Variants in ABHD12 observed in about 807,000 individuals in gnomAD.
The protein encoded by ABHD12 is lysophosphatidylserine lipase ABHD12.
In ABHD12, 43 loss-of-function variants were observed where a neutral mutation model predicts 58.3. The observed-to-expected ratio is 0.74, with a 90% CI of 0.58 to 0.95. The LOEUF (loss-of-function observed/expected upper bound fraction) is 0.95, where lower values mean the gene tolerates loss of function less well. Among genes scored for constraint, ABHD12 ranks in the 40% least tolerant of loss-of-function variants. The pLI, the probability that ABHD12 is intolerant of heterozygous loss-of-function variation, is 0.00. For synonymous variants in ABHD12, 219 were observed against 211.2 expected (o/e 1.04, Z -0.32); for missense variants, 539 against 537.2 (o/e 1.00, Z -0.03).
chr20:25,371,763 G>A (rs1340806541), intron 1 of ABHD12, among the ~76,000 whole-genome samples: 1 of 152,110 alleles, frequency 6.6e-6, no homozygotes, highest in Non-Finnish European at 1.5e-5. Context: ...ATCCCAAGCT[G>A]GTCTCGAACT....
intron 1 of ABHD12, among the ~76,000 whole-genome samples, chr20:25,357,234 C>T (rs2089680944): frequency 6.6e-6 from 1 of 152,230 alleles, no homozygotes; most frequent in Admixed American, 6.5e-5. Context: ...AAATCTTCTG[C>T]CTCCTCCAAA....
At chr20:25,304,342 C>G (rs1236071793) in intron 10 of ABHD12, among the ~76,000 whole-genome samples, 1 of 152,254 alleles carries the variant, frequency 6.6e-6, no homozygotes, top group Admixed American at 6.5e-5. Flanking sequence ...GTGCGAGTCC[C>G]TCTCACCAGA....
rs147920323 is a variant in ABHD12, at chr20:25,307,239, A to T, written c.868-324T>A. Among the ~76,000 whole-genome samples, 352 of 152,354 alleles carry T rather than the reference A, an allele frequency of 2.3e-3. 1 individual carries two copies. Among genetic ancestry groups the T allele is most frequent in the Middle Eastern group, 6.8e-3 (2 of 294 alleles). ...CCACCCCAGAAACCAGTCTTCCCGC[A>T]GACACCAGGGCCGCCACCCCTGAGA... is the stretch of plus-strand genomic sequence containing the variant. On this transcript the variant is annotated intron_variant, in intron 9 of 12. Transcript: ENST00000339157.
At chr20:25,375,058 T>C (rs2089945861) in intron 1 of ABHD12, among the ~76,000 whole-genome samples, 1 of 152,104 alleles carries the variant, frequency 6.6e-6, no homozygotes, top group Non-Finnish European at 1.5e-5. Flanking sequence ...TGGACCCTAA[T>C]CCACTATGAC....
chr20:25,377,855 A>C (rs969921231), intron 1 of ABHD12, among the ~76,000 whole-genome samples: 1 of 151,808 alleles, frequency 6.6e-6, no homozygotes, highest in African/African-American at 2.4e-5. Flanking sequence ...GTGCCACCAC[A>C]CCCAGCTAAT....
chr20:25,357,501 C>T (rs1281581331), intron 1 of ABHD12, among the ~76,000 whole-genome samples: 4 of 152,270 alleles, frequency 2.6e-5, no homozygotes, highest in East Asian at 1.9e-4. Flanking sequence ...CAGTTTCTAT[C>T]GTGAACCACT....
rs569372302 is a variant in ABHD12 at position 25,317,750 on chromosome 20, G to A, written c.543-672C>T. 9.8e-5 allele frequency among the ~76,000 whole-genome samples: 15 copies of A among 152,304 alleles called. No homozygotes were observed. In the East Asian group the frequency reaches 1.4e-3, roughly 14 times the overall value. On this transcript the variant is annotated intron_variant, in intron 4 of 12. Coordinates refer to ENST00000339157, the MANE Select transcript of ABHD12 (RefSeq NM_001042472.3). ...GTCGCTACTGAGACTAAGTGGGCTC[G>A]GCACACACCCTCCCATTTGTACTTC...
At chr20:25,295,117 G>T in intron 12 of ABHD12, 1 of 1,364,578 alleles carries the variant, frequency 7.3e-7, no homozygotes, top group Non-Finnish European at 1.0e-6. Context: ...AAATGCATTT[G>T]TAGATTCATA....
Position 25,323,348 on chromosome 20 carries a change from C to T in ABHD12, c.399G>A (p.Glu133=), listed in dbSNP as rs1385567885. The part of the protein sequence containing the change: ...NHTCNYYLQP[E]EDVTIGVWHT... ...ACCAGACTCCAATGGTCACGTCTTC[C>T]TCTGGCTGCAGGTAGTAGTTACACG... Residue 133 remains glutamate, a synonymous_variant, in exon 3 of 13, where the codon GAG becomes GAA. Transcript: ENST00000339157. The T allele has an allele frequency of 1.2e-5, 20 of 1,613,914 alleles. No homozygotes were observed. The highest frequency in any genetic ancestry group is 1.7e-5 in the Non-Finnish European group (20 of 1,179,900).
At chr20:25,320,812 C>T (rs1444455073) in intron 3 of ABHD12, among the ~76,000 whole-genome samples, 1 of 145,540 alleles carries the variant, frequency 6.9e-6, no homozygotes, top group African/African-American at 2.6e-5. Context: ...CGGGCCATCG[C>T]TGACGCCATT....
intron 1 of ABHD12, among the ~76,000 whole-genome samples, chr20:25,349,777 T>A (rs769913061): frequency 1.3e-5 from 2 of 152,216 alleles, no homozygotes; most frequent in Non-Finnish European, 2.9e-5. Context: ...CTTAACGGTT[T>A]CAGAGTTTCT....
chr20:25,298,346 A>C (rs1248125663), downstream of ABHD12, among the ~76,000 whole-genome samples: 3 of 151,646 alleles, frequency 2.0e-5, no homozygotes, highest in Admixed American at 2.0e-4. Flanking sequence ...GCTCGCTGCA[A>C]CCTCCGCCTC....
chr20:25,343,929 G>A (rs2089486869), intron 1 of ABHD12, among the ~76,000 whole-genome samples: 1 of 152,218 alleles, frequency 6.6e-6, no homozygotes, highest in Admixed American at 6.5e-5. Flanking sequence ...CTACGGCCAA[G>A]TGGGATTTGT....
intron 3 of ABHD12, among the ~76,000 whole-genome samples, chr20:25,322,942 C>T (rs1485935091): frequency 6.6e-6 from 1 of 152,040 alleles, no homozygotes; most frequent in Admixed American, 6.6e-5. Context: ...AGGCTGGTCT[C>T]AAACTCCTGG....
chr20:25,373,303 T>C (rs943766631), intron 1 of ABHD12, among the ~76,000 whole-genome samples: 4 of 152,146 alleles, frequency 2.6e-5, no homozygotes, highest in Admixed American at 1.3e-4. Flanking sequence ...TCCCAGCATT[T>C]TGGGAAGCCG....
intron 1 of ABHD12, among the ~76,000 whole-genome samples, chr20:25,381,671 C>T (rs1179581404): frequency 6.6e-6 from 1 of 150,448 alleles, no homozygotes; most frequent in Non-Finnish European, 1.5e-5. Context: ...CAAAGTCTCG[C>T]TCTGTCACCC....
At chr20:25,338,421 C>G (rs2089407802) in intron 2 of ABHD12, among the ~76,000 whole-genome samples, 1 of 152,238 alleles carries the variant, frequency 6.6e-6, no homozygotes. Flanking sequence ...AGAACACCCA[C>G]CGTGTGCGAG....
chr20:25,300,950 T>C, intron 12 of ABHD12, 66 bp from the exon 13 acceptor site: 1 of 1,518,862 alleles, frequency 6.6e-7, no homozygotes, highest in Non-Finnish European at 9.1e-7. Context: ...TCCACAGTCC[T>C]CACACTGCTA....
chr20:25,301,400 T>C (rs1168978419), intron 12 of ABHD12, among the ~76,000 whole-genome samples: 1 of 152,210 alleles, frequency 6.6e-6, no homozygotes, highest in African/African-American at 2.4e-5. Flanking sequence ...AACTGGCACC[T>C]TGACCTACTT....
Sources: gnomAD v4.1 joint callset for allele counts (sites outside exome capture counted in the v4.1 genomes callset) on GRCh38, gnomAD v4.1.1 for gene constraint, MANE v1.5 for transcripts, NCBI Gene and HGNC (gene_info 2026-07-23, HGNC 2026-07-21) for gene names.